The following CSMD1 variants were observed in gnomAD, a reference collection of about 807,000 sequenced individuals.
The protein encoded by CSMD1 is CUB and sushi domain-containing protein 1.
In CSMD1, 213 loss-of-function variants were observed where a neutral mutation model predicts 417.5. The ratio of observed to expected loss-of-function variants is 0.51; its 90% CI spans 0.46 to 0.57. CSMD1 has a LOEUF of 0.57. Ranked by LOEUF, CSMD1 falls within the 20% of genes least tolerant of loss-of-function variation. The pLI is 0.00. For synonymous variants in CSMD1, 2,862 were observed against 1,736.8 expected (o/e 1.65, Z -16.11); for missense variants, 6,923 against 4,529.7 (o/e 1.53, Z -15.17).
chr8:3,062,119 T>C (rs1166937941), intron 49 of CSMD1, among the ~76,000 whole-genome samples: 1 of 152,216 alleles, frequency 6.6e-6, no homozygotes, highest in Non-Finnish European at 1.5e-5. Context: ...CCACATTGAA[T>C]TTGAGCATTA....
intron 39 of CSMD1, among the ~76,000 whole-genome samples, chr8:3,152,984 A>G (rs1409540417): frequency 6.6e-6 from 1 of 152,200 alleles, no homozygotes; most frequent in Non-Finnish European, 1.5e-5. Context: ...CTCCACCTGG[A>G]ATAGGAGCTG....
chr8:3,975,316 A>G (rs1813358461), intron 5 of CSMD1, among the ~76,000 whole-genome samples: 1 of 152,218 alleles, frequency 6.6e-6, no homozygotes, highest in African/African-American at 2.4e-5. Context: ...AAATGCCCTT[A>G]GAACAGTTTG....
In CSMD1 at chr8:3,808,232, C is replaced by G. The variant is rs144645405; in HGVS notation, c.819-54190G>C. On this transcript the variant is annotated intron_variant, in intron 5 of 69. Transcript: ENST00000635120. ...GATCTAAAATATACTAAGAGATATACTACAAAATTCACTAAGTAGTCACAT... is the reference window on the plus strand; with the variant it reads ...GATCTAAAATATACTAAGAGATATAGTACAAAATTCACTAAGTAGTCACAT... Among the ~76,000 whole-genome samples the G allele has an allele frequency of 1.2e-3, 184 of 152,212 alleles. 2 individuals are homozygous for G. The highest frequency in any genetic ancestry group is 4.2e-3 in the African/African-American group (176 of 41,536).
At chr8:3,621,977 TTGTGTGTGTGTGTATGTGTG>T (rs1796265008) in intron 7 of CSMD1, among the ~76,000 whole-genome samples, 1 of 124,730 alleles carries the variant, frequency 8.0e-6, no homozygotes, top group Non-Finnish European at 1.7e-5. Context: ...CTCTCTCTCT[TTGTGTGTGTGTGTATGTGTG>T]TGTGTGTGTG....
intron 2 of CSMD1, among the ~76,000 whole-genome samples, chr8:4,444,767 C>T (rs181109649): frequency 9.6e-4 from 146 of 152,154 alleles, no homozygotes; most frequent in Non-Finnish European, 1.8e-3. Context: ...CCTAATTTTC[C>T]CTGATTTGAC....
intron 3 of CSMD1, among the ~76,000 whole-genome samples, chr8:4,228,025 C>T (rs767094691): frequency 6.6e-6 from 1 of 151,942 alleles, no homozygotes; most frequent in South Asian, 2.1e-4. Flanking sequence ...ACCCTCCACC[C>T]CACATTAAAT....
At chr8:4,148,879 G>C (rs139046509) in intron 3 of CSMD1, among the ~76,000 whole-genome samples, 19 of 152,236 alleles carry the variant, frequency 1.2e-4, no homozygotes, top group Admixed American at 1.1e-3. Context: ...GAGAGACACA[G>C]CCTGCATTCC....
intron 5 of CSMD1, among the ~76,000 whole-genome samples, chr8:3,992,572 C>T (rs1814839900): frequency 6.6e-6 from 1 of 152,122 alleles, no homozygotes; most frequent in African/African-American, 2.4e-5. Flanking sequence ...TTCCTTGAGT[C>T]CAGGATTTTG....
At chr8:4,749,974 A>C (rs903274262) in intron 1 of CSMD1, among the ~76,000 whole-genome samples, 2 of 152,022 alleles carry the variant, frequency 1.3e-5, no homozygotes, top group East Asian at 3.9e-4. Context: ...TGCCTGTTTA[A>C]TAAAACCCTT....
intron 1 of CSMD1, among the ~76,000 whole-genome samples, chr8:4,886,322 G>T (rs1035209212): frequency 2.0e-5 from 3 of 151,722 alleles, no homozygotes; most frequent in Non-Finnish European, 1.5e-5. Context: ...AGTTGTTCCA[G>T]CACTATATAT....
intron 51 of CSMD1, among the ~76,000 whole-genome samples, chr8:3,026,308 T>C (rs1188654526): frequency 1.3e-5 from 2 of 151,750 alleles, no homozygotes; most frequent in African/African-American, 4.8e-5. Context: ...GAGCCAGGTT[T>C]GGGAAGCTGA....
intron 7 of CSMD1, among the ~76,000 whole-genome samples, chr8:3,698,863 G>C (rs7003458): frequency 0.5 from 75,276 of 152,026 alleles, 18,906 homozygotes; most frequent in Admixed American, 0.59. Context: ...AAGTTTCTGA[G>C]CTTGAAACTA....
chr8:4,733,964 T>C (rs781530011), intron 1 of CSMD1, among the ~76,000 whole-genome samples: 7 of 152,206 alleles, frequency 4.6e-5, no homozygotes, highest in Non-Finnish European at 1.0e-4. Flanking sequence ...AAGTTAGAAT[T>C]ATGCCCCTAT....
At chr8:4,271,302 A>C (rs989358628) in intron 3 of CSMD1, among the ~76,000 whole-genome samples, 1 of 152,184 alleles carries the variant, frequency 6.6e-6, no homozygotes, top group Non-Finnish European at 1.5e-5. Flanking sequence ...GCAACCATCA[A>C]CCCACAGAGG....
intron 3 of CSMD1, among the ~76,000 whole-genome samples, chr8:4,242,618 G>C (rs1450514897): frequency 2.6e-5 from 4 of 152,164 alleles, no homozygotes; most frequent in Admixed American, 6.5e-5. Context: ...ACTACTGCTA[G>C]TTCATGAGGC....
intron 1 of CSMD1, among the ~76,000 whole-genome samples, chr8:4,873,837 C>G (rs1425333669): frequency 6.6e-6 from 1 of 152,038 alleles, no homozygotes; most frequent in Non-Finnish European, 1.5e-5. Flanking sequence ...TTATATTTTA[C>G]TCTATATAAA....
chr8:3,901,900 G>T (rs530232304), intron 5 of CSMD1, among the ~76,000 whole-genome samples: 1 of 152,214 alleles, frequency 6.6e-6, no homozygotes, highest in African/African-American at 2.4e-5. Context: ...GATCATTTTA[G>T]ATCTCATGCC....
At chr8:4,577,534 C>T (rs1799195741) in intron 2 of CSMD1, among the ~76,000 whole-genome samples, 1 of 152,164 alleles carries the variant, frequency 6.6e-6, no homozygotes, top group Admixed American at 6.5e-5. Flanking sequence ...CCACAGGCTC[C>T]AGTGTGGCCC....
At chr8:3,790,217 C>T (rs185161359) in intron 5 of CSMD1, among the ~76,000 whole-genome samples, 64 of 152,284 alleles carry the variant, frequency 4.2e-4, no homozygotes, top group Admixed American at 4.1e-3. Context: ...GTGCTGCCTA[C>T]ACAAAACTCC....
Sources: allele counts gnomAD v4.1 joint callset (sites outside exome capture counted in the v4.1 genomes callset), GRCh38; gene constraint gnomAD v4.1.1; transcripts MANE v1.5; gene names NCBI Gene and HGNC (gene_info 2026-07-23, HGNC 2026-07-21).